Variants in AGBL4 observed in about 807,000 individuals in gnomAD.
The protein encoded by AGBL4 is AGBL carboxypeptidase 4.
A neutral mutation model predicts 66.4 loss-of-function variants in AGBL4; 58 were observed. That is an observed-to-expected ratio of 0.87 (90% CI 0.71 to 1.09). AGBL4 has a LOEUF of 1.09. Among genes scored for constraint, AGBL4 ranks in the 50% least tolerant of loss-of-function variants. The pLI is 0.00. For missense variants in AGBL4, 579 were observed against 631.0 expected (o/e 0.92, Z 0.88); for synonymous variants, 234 against 222.9 (o/e 1.05, Z -0.44).
chr1:48,883,223 A>AT (rs1239279845), intron 5 of AGBL4, among the ~76,000 whole-genome samples: 1 of 152,166 alleles, frequency 6.6e-6, no homozygotes, highest in Admixed American at 6.5e-5. Flanking sequence ...GCCAACTTGC[A>AT]TTCCTACCAA....
intron 6 of AGBL4, among the ~76,000 whole-genome samples, chr1:48,672,507 T>G (rs561383): frequency 0.56 from 85,197 of 152,018 alleles, 24,183 homozygotes; most frequent in Middle Eastern, 0.66. Context: ...CTCCAATGGT[T>G]TTATTGTCAC....
intron 5 of AGBL4, among the ~76,000 whole-genome samples, chr1:48,976,617 G>T (rs547942882): frequency 6.6e-6 from 1 of 152,166 alleles, no homozygotes; most frequent in South Asian, 2.1e-4. Flanking sequence ...TACTCATTTT[G>T]CTGCAAAGAC....
intron 1 of AGBL4, among the ~76,000 whole-genome samples, chr1:50,008,920 A>G (rs924281861): frequency 1.2e-4 from 18 of 152,292 alleles, no homozygotes. Context: ...ATAAATTCCT[A>G]GACACATACA....
At chr1:48,860,446 G>A (rs1056665871) in intron 6 of AGBL4, among the ~76,000 whole-genome samples, 14 of 152,218 alleles carry the variant, frequency 9.2e-5, no homozygotes, top group African/African-American at 3.1e-4. Context: ...GAAGAAGACA[G>A]TAGCAGTTGG....
intron 1 of AGBL4, among the ~76,000 whole-genome samples, chr1:49,940,841 T>TA (rs1240885164): frequency 6.6e-6 from 1 of 151,976 alleles, no homozygotes; most frequent in Non-Finnish European, 1.5e-5. Context: ...CCCTAAAACT[T>TA]AAAGTATAAT....
chr1:49,880,339 A>G (rs371117351), intron 1 of AGBL4, among the ~76,000 whole-genome samples: 13,659 of 150,952 alleles, frequency 0.09, 826 homozygotes, highest in African/African-American at 0.16. Context: ...ATGGGTTTTC[A>G]GTGTGGATGT....
At position 49,947,688 on chromosome 1, in the gene AGBL4, A is replaced by AG. The variant is rs376505823; in HGVS notation, c.34+76074_34+76075insC. Among the ~76,000 whole-genome samples, 417 of 151,436 alleles carry AG rather than the reference A, an allele frequency of 2.8e-3. 3 individuals carry two copies. Among genetic ancestry groups the AG allele is most frequent in the South Asian group, 9.8e-3 (47 of 4,812 alleles). On this transcript the variant is annotated intron_variant, in intron 1 of 13. Coordinates refer to ENST00000371839, the MANE Select transcript of AGBL4 (RefSeq NM_032785.4). Reference sequence around the variant, plus strand: ...TCTTCAATATAGTACTGGAAGTCCTACCAGAGCAATCAGACAAAAGAAAGA... The same window carrying AG: ...TCTTCAATATAGTACTGGAAGTCCTAGCCAGAGCAATCAGACAAAAGAAAGA...
intron 6 of AGBL4, among the ~76,000 whole-genome samples, chr1:48,677,534 C>T (rs1230049731): frequency 6.6e-6 from 1 of 152,154 alleles, no homozygotes; most frequent in Non-Finnish European, 1.5e-5. Flanking sequence ...TATATAAGCT[C>T]ATTGGATCCT....
intron 3 of AGBL4, among the ~76,000 whole-genome samples, chr1:49,365,850 A>G (rs750091640): frequency 6.6e-6 from 1 of 152,124 alleles, no homozygotes; most frequent in South Asian, 2.1e-4. Flanking sequence ...TCTGTTACTT[A>G]CTAGGTAGTA....
At chr1:49,562,135 G>A (rs1377242081) in intron 3 of AGBL4, among the ~76,000 whole-genome samples, 6 of 151,994 alleles carry the variant, frequency 3.9e-5, no homozygotes, top group Admixed American at 6.6e-5. Context: ...CATATCCTTC[G>A]CCGACTTTTT....
intron 4 of AGBL4, among the ~76,000 whole-genome samples, chr1:49,050,932 T>G (rs777896353): frequency 2.0e-5 from 3 of 152,114 alleles, no homozygotes; most frequent in African/African-American, 7.2e-5. Context: ...CTCTCTACTT[T>G]CTGTTGAGAC....
chr1:49,436,104 G>C (rs1645897433), intron 3 of AGBL4, among the ~76,000 whole-genome samples: 1 of 152,148 alleles, frequency 6.6e-6, no homozygotes, highest in South Asian at 2.1e-4. Flanking sequence ...ATCAAGGATT[G>C]CAACAGATAA....
chr1:49,767,213 C>T (rs1435191276), intron 2 of AGBL4, among the ~76,000 whole-genome samples: 1 of 151,698 alleles, frequency 6.6e-6, no homozygotes, highest in Non-Finnish European at 1.5e-5. Context: ...GGGCATAAAA[C>T]AAGTCTCAAT....
Position 49,902,186 on chromosome 1 carries a change from G to A in AGBL4, c.35-50668C>T, listed in dbSNP as rs539659723. On this transcript the variant is annotated intron_variant, in intron 1 of 13. Coordinates refer to ENST00000371839, the MANE Select transcript of AGBL4 (RefSeq NM_032785.4). The stretch of plus-strand genomic sequence containing the variant: ...CTGCAACAAAACCAAAAATTAACAA[G>A]TGGTGCCTAATTAAACTAAAGAGCT... Among the ~76,000 whole-genome samples, 12 of 152,182 alleles carry A rather than the reference G, an allele frequency of 7.9e-5. No individual in the cohort carries two copies. In the East Asian group the frequency reaches 2.3e-3, roughly 29 times the overall value.
chr1:50,000,825 G>A (rs1009870340), intron 1 of AGBL4, among the ~76,000 whole-genome samples: 4 of 151,966 alleles, frequency 2.6e-5, no homozygotes, highest in South Asian at 4.1e-4. Flanking sequence ...ACCAAACATC[G>A]TGTGTTCTCA....
intron 5 of AGBL4, among the ~76,000 whole-genome samples, chr1:48,944,894 G>T (rs1557487661): frequency 6.6e-6 from 1 of 152,184 alleles, no homozygotes; most frequent in Non-Finnish European, 1.5e-5. Context: ...TTGTATTACA[G>T]AATCTAACTC....
intron 5 of AGBL4, among the ~76,000 whole-genome samples, chr1:48,874,191 A>G (rs1330062108): frequency 6.6e-6 from 1 of 152,180 alleles, no homozygotes; most frequent in African/African-American, 2.4e-5. Flanking sequence ...CAGGGGCATA[A>G]GCACACATTT....
chr1:49,065,306 C>T lies in AGBL4; in HGVS notation c.378-19506G>A, dbSNP rs113892758. 3.3e-3 allele frequency among the ~76,000 whole-genome samples: 497 copies of T among 152,232 alleles called. 8 individuals carry two copies. Among genetic ancestry groups the T allele is most frequent in the African/African-American group, 0.011 (451 of 41,532 alleles). ...ACAGGAGACATAGGTGGGGTGATGACAGAAAGAATTAGGGTGATTCCTGAA... is the reference window on the plus strand; with the variant it reads ...ACAGGAGACATAGGTGGGGTGATGATAGAAAGAATTAGGGTGATTCCTGAA... On this transcript the variant is annotated intron_variant, in intron 4 of 13. Coordinates refer to ENST00000371839, the MANE Select transcript of AGBL4 (RefSeq NM_032785.4).
chr1:48,828,416 C>T lies in AGBL4; in HGVS notation c.634+38775G>A, dbSNP rs368068118. On this transcript the variant is annotated intron_variant, in intron 6 of 13. Coordinates refer to ENST00000371839, the MANE Select transcript of AGBL4 (RefSeq NM_032785.4). ...AACCATGGCTCCTAGGATCCAGTGC[C>T]ACCTGTTCTCCCTTTGACCCTTATG... Among the ~76,000 whole-genome samples the T allele has an allele frequency of 2.0e-4, 31 of 152,238 alleles. No individual in the cohort carries two copies. In the East Asian group the frequency reaches 3.3e-3, roughly 16 times the overall value.
Sources: gnomAD v4.1 joint callset for allele counts (sites outside exome capture counted in the v4.1 genomes callset) on GRCh38, gnomAD v4.1.1 for gene constraint, MANE v1.5 for transcripts, NCBI Gene and HGNC (gene_info 2026-07-23, HGNC 2026-07-21) for gene names.